PHACTR3: variants seen among roughly 807,000 people sequenced by gnomAD.
The protein encoded by PHACTR3 is phosphatase and actin regulator 3, also known as protein phosphatase 1, regulatory subunit 123.
PHACTR3 carries 16 observed loss-of-function variants against 66.8 expected under a neutral mutation model. The observed-to-expected ratio is 0.24, with a 90% CI of 0.16 to 0.36. The LOEUF (loss-of-function observed/expected upper bound fraction) is 0.36, where lower values mean the gene tolerates loss of function less well. Ranked by LOEUF, PHACTR3 falls within the 10% of genes least tolerant of loss-of-function variation. PHACTR3 has a pLI of 1.00. For synonymous variants in PHACTR3, 323 were observed against 292.1 expected, an observed-to-expected ratio of 1.11 and a Z score of -1.08; for missense variants, 647 against 719.9, an observed-to-expected ratio of 0.90 and a Z score of 1.16.
rs188962441 is a variant in PHACTR3, at chr20:59,821,000, C to T, written c.1328+14806C>T. ...TGCTTCACCCAGGATCGGGGCTTAG[C>T]GTGTGTGAGTAGTAGTCATGGTAAT... On this transcript the variant is annotated intron_variant, in intron 8 of 12. Transcript: ENST00000371015. This position sits in a 1 kb window ranked among gnomAD's most constrained non-coding sequence, Gnocchi z 4.6. Among the ~76,000 whole-genome samples the T allele has an allele frequency of 2.0e-4, 30 of 152,168 alleles. No homozygotes were observed. Among genetic ancestry groups the T allele is most frequent in the Non-Finnish European group, 3.1e-4 (21 of 68,012 alleles).
chr20:59,734,106 C>T (rs1178934127), intron 1 of PHACTR3, among the ~76,000 whole-genome samples: 1 of 152,050 alleles, frequency 6.6e-6, no homozygotes, highest in East Asian at 1.9e-4. Flanking sequence ...TGGTCAGGTC[C>T]CCACACGCCT....
chr20:59,827,030 G>A (rs2042213764), intron 8 of PHACTR3, among the ~76,000 whole-genome samples: 1 of 151,994 alleles, frequency 6.6e-6, no homozygotes, highest in Non-Finnish European at 1.5e-5. Context: ...ATAGTTCTCA[G>A]GCACCAGGTG....
intron 8 of PHACTR3, among the ~76,000 whole-genome samples, chr20:59,815,432 G>GTT (rs761210737): frequency 3.8e-5 from 5 of 130,340 alleles, no homozygotes; most frequent in South Asian, 2.4e-4. Flanking sequence ...TTTTTTTTTT[G>GTT]TTTTTTTTTT....
intron 1 of PHACTR3, among the ~76,000 whole-genome samples, chr20:59,645,980 CT>C (rs2035270287): frequency 6.6e-6 from 1 of 152,182 alleles, no homozygotes; most frequent in African/African-American, 2.4e-5. Flanking sequence ...CAGGAGGCCC[CT>C]GGCCCCGTTC....
intron 1 of PHACTR3, among the ~76,000 whole-genome samples, chr20:59,583,805 G>A (rs2032933325): frequency 6.6e-6 from 1 of 152,264 alleles, no homozygotes; most frequent in Non-Finnish European, 1.5e-5. Flanking sequence ...TGGGCAGGGG[G>A]AGTTGCCCTT....
intron 1 of PHACTR3, among the ~76,000 whole-genome samples, chr20:59,617,833 A>G (rs563995041): frequency 1.6e-4 from 24 of 152,130 alleles, no homozygotes; most frequent in African/African-American, 5.5e-4. Flanking sequence ...CTTCCCTTCC[A>G]GCAAATTTAG....
intron 1 of PHACTR3, among the ~76,000 whole-genome samples, chr20:59,723,967 T>A (rs910676916): frequency 6.6e-6 from 1 of 152,078 alleles, no homozygotes; most frequent in Non-Finnish European, 1.5e-5. Context: ...GGCTGCCTGG[T>A]CTGCATCCTC....
At chr20:59,659,415 C>G (rs185244141) in intron 1 of PHACTR3, among the ~76,000 whole-genome samples, 8 of 141,100 alleles carry the variant, frequency 5.7e-5, no homozygotes, top group Non-Finnish European at 1.0e-4. Flanking sequence ...GCTCTGTCAC[C>G]AGGCTGGAGT....
At chr20:59,828,389 T>C (rs915122079) in intron 8 of PHACTR3, among the ~76,000 whole-genome samples, 1 of 152,252 alleles carries the variant, frequency 6.6e-6, no homozygotes, top group African/African-American at 2.4e-5. Context: ...ATTGGCATTG[T>C]GTGCTGTGTC....
intron 3 of PHACTR3, among the ~76,000 whole-genome samples, chr20:59,751,129 T>G (rs1349070740): frequency 6.6e-6 from 1 of 152,216 alleles, no homozygotes; most frequent in African/African-American, 2.4e-5. Context: ...TGCCGCCGCC[T>G]CTGCTGTGGA....
chr20:59,648,954 CTG>C (rs2035374163), intron 1 of PHACTR3, among the ~76,000 whole-genome samples: 3 of 152,148 alleles, frequency 2.0e-5, no homozygotes, highest in Admixed American at 6.5e-5. Context: ...TTGGGAATGT[CTG>C]TGTTTACATG....
rs548666150 is a variant in PHACTR3, at chr20:59,759,643, G to A, written c.541+4279G>A. Among the ~76,000 whole-genome samples the A allele has an allele frequency of 2.6e-5, 4 of 152,312 alleles. No individual in the cohort carries two copies. In the South Asian group the frequency reaches 8.3e-4, roughly 32 times the overall value. On this transcript the variant is annotated intron_variant, in intron 4 of 12. Transcript: ENST00000371015. ...GCTTGAGGCCACTGTGAGGCAACGT[G>A]GTCCTAGGTCTCCGGTTTCTACTGC...
chr20:59,750,870 T>C (rs1014273569), intron 3 of PHACTR3, among the ~76,000 whole-genome samples: 1 of 152,232 alleles, frequency 6.6e-6, no homozygotes, highest in Non-Finnish European at 1.5e-5. Flanking sequence ...TCCACGCAGA[T>C]GCTTGGCCAC....
intron 2 of PHACTR3, among the ~76,000 whole-genome samples, chr20:59,746,953 G>C (rs2039393804): frequency 6.6e-6 from 1 of 151,008 alleles, no homozygotes; most frequent in Non-Finnish European, 1.5e-5. Flanking sequence ...ATCTTTCAAA[G>C]AAAGGGTTGA....
chr20:59,741,355 A>C (rs1365777144), intron 1 of PHACTR3, among the ~76,000 whole-genome samples: 1 of 152,222 alleles, frequency 6.6e-6, no homozygotes, highest in African/African-American at 2.4e-5. Flanking sequence ...CTGTGGTAGC[A>C]GCCGTGCTGG....
chr20:59,580,610 T>C (rs1389203789), intron 1 of PHACTR3, among the ~76,000 whole-genome samples: 1 of 151,814 alleles, frequency 6.6e-6, no homozygotes, highest in East Asian at 1.9e-4. Flanking sequence ...GGGAAAGGCG[T>C]GATCAATGAT....
chr20:59,780,558 A>C lies in PHACTR3; in HGVS notation c.1174+6068A>C, dbSNP rs369688767. On this transcript the variant is annotated intron_variant, in intron 7 of 12. Coordinates refer to ENST00000371015, the MANE Select transcript of PHACTR3 (RefSeq NM_080672.5). Reference sequence around the variant, plus strand: ...CCATTGGTGAGGGTTCCACCTAATGATCTAATCACCTTCCAAGACCCTACC... The same window carrying C: ...CCATTGGTGAGGGTTCCACCTAATGCTCTAATCACCTTCCAAGACCCTACC... 5.9e-5 allele frequency among the ~76,000 whole-genome samples: 9 copies of C among 152,070 alleles called. No homozygotes were observed. In the East Asian group the frequency reaches 1.2e-3, roughly 20 times the overall value.
rs182191329 is a variant in PHACTR3 at position 59,808,582 on chromosome 20, C to T, written c.1328+2388C>T. On this transcript the variant is annotated intron_variant, in intron 8 of 12. Coordinates refer to ENST00000371015, the MANE Select transcript of PHACTR3 (RefSeq NM_080672.5). ...GCCAACCCTTCCCTGGAGGGAGAGACAGTGCCCCAGGGGTGAGGGGAACCA... is the reference window on the plus strand; with the variant it reads ...GCCAACCCTTCCCTGGAGGGAGAGATAGTGCCCCAGGGGTGAGGGGAACCA... Among the ~76,000 whole-genome samples, 20 of 152,334 alleles carry T rather than the reference C, an allele frequency of 1.3e-4. No homozygotes were observed. In the East Asian group the frequency reaches 1.9e-3, roughly 15 times the overall value.
chr20:59,623,231 G>A (rs931971543), intron 1 of PHACTR3, among the ~76,000 whole-genome samples: 1 of 152,038 alleles, frequency 6.6e-6, no homozygotes, highest in African/African-American at 2.4e-5. Context: ...GGGTGGGGCA[G>A]GTATGTCGGC....
Sources: gnomAD v4.1 joint callset for allele counts (sites outside exome capture counted in the v4.1 genomes callset) on GRCh38, gnomAD v4.1.1 for gene constraint, Gnocchi (gnomAD v3.1) non-coding constraint, MANE v1.5 for transcripts, NCBI Gene and HGNC (gene_info 2026-07-23, HGNC 2026-07-21) for gene names.